LTBP1: variants seen among roughly 807,000 people sequenced by gnomAD.
The protein encoded by LTBP1 is latent-transforming growth factor beta-binding protein 1.
LTBP1 carries 129 observed loss-of-function variants against 207.6 expected under a neutral mutation model. The ratio of observed to expected loss-of-function variants is 0.62; its 90% CI spans 0.54 to 0.72. LTBP1 has a LOEUF of 0.72. Among genes scored for constraint, LTBP1 ranks in the 30% least tolerant of loss-of-function variants. The pLI is 0.00. For synonymous variants in LTBP1, 963 were observed against 833.7 expected, an observed-to-expected ratio of 1.16 and a Z score of -2.67; for missense variants, 2,281 against 2,217.2, an observed-to-expected ratio of 1.03 and a Z score of -0.58.
intron 10 of LTBP1, among the ~76,000 whole-genome samples, chr2:33,245,960 G>T (rs1454666422): frequency 6.6e-6 from 1 of 152,196 alleles, no homozygotes; most frequent in African/African-American, 2.4e-5. Context: ...GTTTTAATAA[G>T]ATTATAGAAA....
chr2:33,133,802 C>T (rs1379330457), intron 4 of LTBP1, among the ~76,000 whole-genome samples: 1 of 152,160 alleles, frequency 6.6e-6, no homozygotes, highest in Non-Finnish European at 1.5e-5. Context: ...GTAGAAAATG[C>T]CAGTTTCAAT....
chr2:33,190,915 A>G (rs553702322), intron 7 of LTBP1, among the ~76,000 whole-genome samples: 2 of 152,314 alleles, frequency 1.3e-5, no homozygotes, highest in South Asian at 4.1e-4. Context: ...ATCAGTCTAA[A>G]TTTAGCTTAA....
chr2:33,009,160 T>C (rs1227996221), intron 2 of LTBP1, among the ~76,000 whole-genome samples: 1 of 152,060 alleles, frequency 6.6e-6, no homozygotes, highest in African/African-American at 2.4e-5. Context: ...CTGCAGGGGA[T>C]AAGGTGGCTG....
At chr2:33,302,013 TAGA>T (rs2093996461) in intron 22 of LTBP1, among the ~76,000 whole-genome samples, 1 of 152,226 alleles carries the variant, frequency 6.6e-6, no homozygotes, top group Admixed American at 6.5e-5. Context: ...TCCAGGCAAT[TAGA>T]AGGTTTTTCA....
intron 20 of LTBP1, among the ~76,000 whole-genome samples, chr2:33,296,598 C>G (rs1260968409): frequency 6.6e-6 from 1 of 152,116 alleles, no homozygotes; most frequent in Non-Finnish European, 1.5e-5. Context: ...TGGCTCATTA[C>G]CACTGTCTTG....
chr2:33,074,072 T>C (rs2077946206), intron 3 of LTBP1, among the ~76,000 whole-genome samples: 1 of 152,258 alleles, frequency 6.6e-6, no homozygotes, highest in Admixed American at 6.5e-5. Flanking sequence ...TTATTTCTGT[T>C]GTGAGCTAAT....
chr2:33,329,025 T>C (rs2094463301), intron 24 of LTBP1, among the ~76,000 whole-genome samples: 1 of 152,226 alleles, frequency 6.6e-6, no homozygotes, highest in Admixed American at 6.5e-5. Context: ...CACTAATTTC[T>C]GTTGGATATC....
intron 7 of LTBP1, among the ~76,000 whole-genome samples, chr2:33,204,196 C>G (rs60558455): frequency 0.42 from 64,389 of 151,926 alleles, 14,107 homozygotes; most frequent in Non-Finnish European, 0.48. Flanking sequence ...TTTTTCCTTT[C>G]TCATCCTTCC....
chr2:33,255,286 C>T (rs2092818703), intron 11 of LTBP1, among the ~76,000 whole-genome samples: 1 of 151,574 alleles, frequency 6.6e-6, no homozygotes, highest in South Asian at 2.1e-4. Context: ...CATAGTATTC[C>T]ATCTCACACC....
At chr2:33,264,359 C>T (rs896938180) in intron 15 of LTBP1, among the ~76,000 whole-genome samples, 2 of 151,880 alleles carry the variant, frequency 1.3e-5, no homozygotes, top group African/African-American at 4.8e-5. Context: ...GTTCTGTTCT[C>T]ACCAGTTAAT....
At chr2:33,182,897 A>G (rs1347519829) in intron 5 of LTBP1, among the ~76,000 whole-genome samples, 1 of 151,650 alleles carries the variant, frequency 6.6e-6, no homozygotes, top group Non-Finnish European at 1.5e-5. Flanking sequence ...GTTTTAGTGT[A>G]GGTTATTAAT....
At chr2:32,979,282 G>A (rs1463311173) in intron 2 of LTBP1, among the ~76,000 whole-genome samples, 1 of 151,514 alleles carries the variant, frequency 6.6e-6, no homozygotes, top group South Asian at 2.1e-4. Context: ...TTATGATGCA[G>A]CATTAGGTTG....
chr2:33,182,076 A>G (rs550408977), intron 5 of LTBP1, among the ~76,000 whole-genome samples: 1 of 152,276 alleles, frequency 6.6e-6, no homozygotes, highest in South Asian at 2.1e-4. Context: ...TGGAGAATAG[A>G]TATTTTATTT....
chr2:33,102,260 C>A (rs1169800944), intron 3 of LTBP1, among the ~76,000 whole-genome samples: 1 of 152,086 alleles, frequency 6.6e-6, no homozygotes, highest in Non-Finnish European at 1.5e-5. Flanking sequence ...TATATTGGGC[C>A]AGGTACTTTT....
chr2:32,985,339 A>G (rs1683387103), intron 2 of LTBP1, among the ~76,000 whole-genome samples: 1 of 152,172 alleles, frequency 6.6e-6, no homozygotes, highest in South Asian at 2.1e-4. Flanking sequence ...TAATCGCTAC[A>G]GTAAGCCCAT....
intron 9 of LTBP1, among the ~76,000 whole-genome samples, chr2:33,238,139 G>A (rs1264351481): frequency 1.3e-5 from 2 of 152,098 alleles, no homozygotes; most frequent in Non-Finnish European, 1.5e-5. Context: ...GCTTTCAAGT[G>A]GAAGGCATAC....
intron 5 of LTBP1, among the ~76,000 whole-genome samples, chr2:33,173,962 A>G (rs1243936759): frequency 2.2e-5 from 3 of 135,204 alleles, no homozygotes; most frequent in African/African-American, 7.7e-5. Flanking sequence ...ACAACGCTTC[A>G]TGCTAAAAAC....
intron 24 of LTBP1, among the ~76,000 whole-genome samples, chr2:33,323,184 T>C (rs903792589): frequency 1.6e-4 from 24 of 152,184 alleles, no homozygotes; most frequent in Non-Finnish European, 7.3e-5. Context: ...TACACTAGCC[T>C]ATAGTTAGGC....
chr2:33,058,930 C>T (rs978754817), intron 3 of LTBP1, among the ~76,000 whole-genome samples: 2 of 152,130 alleles, frequency 1.3e-5, no homozygotes, highest in Non-Finnish European at 2.9e-5. Flanking sequence ...ATGTGTGATG[C>T]TGTCTTATAA....
Sources: gnomAD v4.1 joint callset for allele counts (sites outside exome capture counted in the v4.1 genomes callset) on GRCh38, gnomAD v4.1.1 for gene constraint, MANE v1.5 for transcripts, NCBI Gene and HGNC (gene_info 2026-07-23, HGNC 2026-07-21) for gene names.